Variants in RBM20 observed in about 807,000 individuals in gnomAD.
The protein encoded by RBM20 is RNA-binding protein 20.
A neutral mutation model predicts 110.1 loss-of-function variants in RBM20; 51 were observed. That is an observed-to-expected ratio of 0.46 (90% CI 0.37 to 0.59). The LOEUF (loss-of-function observed/expected upper bound fraction) is 0.59. Ranked by LOEUF, RBM20 falls within the 20% of genes least tolerant of loss-of-function variation. The probability of loss-of-function intolerance (pLI) is 0.00; values close to 1 mark genes in which losing one functional copy is unlikely to be tolerated. For missense variants in RBM20, 1,512 were observed against 1,574.9 expected, an observed-to-expected ratio of 0.96 and a Z score of 0.68; for synonymous variants, 589 against 618.2, an observed-to-expected ratio of 0.95 and a Z score of 0.70.
intron 1 of RBM20, among the ~76,000 whole-genome samples, chr10:110,723,348 C>T (rs11819577): frequency 3.3e-5 from 5 of 152,210 alleles, no homozygotes; most frequent in African/African-American, 9.6e-5. Context: ...CATCCCTTCC[C>T]TTTCCCCTTC....
At chr10:110,693,559 G>T (rs1590621165) in intron 1 of RBM20, among the ~76,000 whole-genome samples, 1 of 152,262 alleles carries the variant, frequency 6.6e-6, no homozygotes, top group South Asian at 2.1e-4. Flanking sequence ...TGGCAAATTT[G>T]TTACTACTGT....
At chr10:110,811,454 AGTCT>A (rs2135101966) in intron 8 of RBM20, among the ~76,000 whole-genome samples, 1 of 152,296 alleles carries the variant, frequency 6.6e-6, no homozygotes, top group Non-Finnish European at 1.5e-5. Context: ...TTTGTTTATT[AGTCT>A]GTCTGTTTTT....
chr10:110,727,390 A>G lies in RBM20; in HGVS notation c.192-53411A>G, dbSNP rs1402910591. ...GTTGTCACAATACTATTTATTAAAA[A>G]GTCCGTCTCAAAAAATAAAAATAAA... On this transcript the variant is annotated intron_variant, in intron 1 of 13. Transcript: ENST00000369519. Among the ~76,000 whole-genome samples the G allele has an allele frequency of 3.0e-5, 4 of 132,348 alleles. No homozygotes were observed. In the South Asian group the frequency reaches 1.1e-3, roughly 36 times the overall value. The allele number at this position is 132,348 out of a possible 152,430, so 86.8% of individuals were successfully genotyped here. A position where few individuals can be genotyped will look rare whatever the true frequency, so the allele number is the denominator to read the frequency against.
chr10:110,729,028 G>A (rs1285839140), intron 1 of RBM20, among the ~76,000 whole-genome samples: 1 of 152,198 alleles, frequency 6.6e-6, no homozygotes, highest in African/African-American at 2.4e-5. Flanking sequence ...AGCATGTAAA[G>A]TATAGGCTTT....
At chr10:110,798,472 T>C (rs937727856) in intron 6 of RBM20, among the ~76,000 whole-genome samples, 1 of 152,186 alleles carries the variant, frequency 6.6e-6, no homozygotes, top group African/African-American at 2.4e-5. Flanking sequence ...TTTGGGTAAA[T>C]GCACAGAATT....
At chr10:110,691,745 T>C (rs775678720) in intron 1 of RBM20, among the ~76,000 whole-genome samples, 1 of 152,228 alleles carries the variant, frequency 6.6e-6, no homozygotes, top group Non-Finnish European at 1.5e-5. Flanking sequence ...CTCTTGATAG[T>C]GTCCTTTAAT....
At chr10:110,726,533 G>C (rs1014918379) in intron 1 of RBM20, among the ~76,000 whole-genome samples, 2 of 152,202 alleles carry the variant, frequency 1.3e-5, no homozygotes, top group Admixed American at 6.5e-5. Flanking sequence ...ATGGGATCAT[G>C]ATCAAGTGAT....
At chr10:110,720,503 T>C (rs933627932) in intron 1 of RBM20, among the ~76,000 whole-genome samples, 1 of 152,106 alleles carries the variant, frequency 6.6e-6, no homozygotes, top group Admixed American at 6.5e-5. Context: ...ATCTTTCTTT[T>C]CTCCCCACAT....
chr10:110,720,357 C>T (rs1843490944), intron 1 of RBM20, among the ~76,000 whole-genome samples: 1 of 152,222 alleles, frequency 6.6e-6, no homozygotes, highest in South Asian at 2.1e-4. Flanking sequence ...CCTGGGAGTG[C>T]TCAGGCCCTC....
chr10:110,704,556 A>G (rs138599005), intron 1 of RBM20, among the ~76,000 whole-genome samples: 29 of 152,354 alleles, frequency 1.9e-4, no homozygotes, highest in Non-Finnish European at 1.5e-5. Context: ...TGCAGCTAAC[A>G]TTGTATTAGT....
chr10:110,730,243 C>T lies in RBM20; in HGVS notation c.192-50558C>T, dbSNP rs559264956. 2.2e-4 allele frequency among the ~76,000 whole-genome samples: 34 copies of T among 152,360 alleles called. No homozygotes were observed. In the East Asian group the frequency reaches 5.8e-3, roughly 26 times the overall value. On this transcript the variant is annotated intron_variant, in intron 1 of 13. Coordinates refer to ENST00000369519, the MANE Select transcript of RBM20 (RefSeq NM_001134363.3). ...GCTAATTGGTTGCTTAGAACACATT[C>T]AAGATGGTTTCCTCGGACTTCTGTT...
At position 110,644,470 on chromosome 10, in the gene RBM20, G is replaced by A. The variant is rs758772050; in HGVS notation, c.16G>A (p.Ala6Thr). Residue 6 changes from alanine to threonine, a missense_variant, in exon 1 of 14, where the codon GCC becomes ACC. Around this residue, in one of 3 missense-constraint regions of RBM20, gnomAD observed 1,149 missense variants for 1,169.4 expected, o/e 0.98. Coordinates refer to ENST00000369519, the MANE Select transcript of RBM20 (RefSeq NM_001134363.3). This position sits in a 1 kb window ranked among gnomAD's most constrained non-coding sequence, Gnocchi z 4.3. ...CTCGCCCCGCATGGTGCTGGCAGCA[G>A]CCATGAGCCAGGACGCGGACCCCAG... MVLAA[A>T]MSQDADPSGP... 28 of 1,517,688 alleles carry A rather than the reference G, an allele frequency of 1.8e-5. No homozygotes were observed. The highest frequency in any genetic ancestry group is 2.4e-5 in the Non-Finnish European group (27 of 1,137,454). 94.0% of individuals were successfully genotyped at this position (1,517,688 alleles called of 1,614,324 possible).
chr10:110,715,901 C>T (rs549313042), intron 1 of RBM20, among the ~76,000 whole-genome samples: 1 of 152,316 alleles, frequency 6.6e-6, no homozygotes, highest in Admixed American at 6.5e-5. Context: ...CCCCACTTAA[C>T]TACAAGGGAG....
At chr10:110,657,021 CTT>C (rs58478679) in intron 1 of RBM20, among the ~76,000 whole-genome samples, 33 of 142,978 alleles carry the variant, frequency 2.3e-4, no homozygotes, top group Non-Finnish European at 3.7e-4. Flanking sequence ...TATGGTAATT[CTT>C]TTTTTTTTTT....
intron 1 of RBM20, among the ~76,000 whole-genome samples, chr10:110,732,245 G>A (rs1051820082): frequency 2.0e-5 from 3 of 151,548 alleles, no homozygotes; most frequent in Non-Finnish European, 4.4e-5. Flanking sequence ...CTGTCCCCTC[G>A]CCCCTGCTAT....
intron 1 of RBM20, among the ~76,000 whole-genome samples, chr10:110,770,225 C>T (rs1330427415): frequency 6.6e-6 from 1 of 152,088 alleles, no homozygotes; most frequent in East Asian, 1.9e-4. Flanking sequence ...GGAAGTTCTC[C>T]TCTCCGGGTG....
intron 7 of RBM20, among the ~76,000 whole-genome samples, chr10:110,803,798 C>G (rs1201250311): frequency 3.3e-5 from 4 of 120,996 alleles, no homozygotes; most frequent in Non-Finnish European, 6.4e-5. Context: ...CTCCATTAAG[C>G]CTGTTGGCTT....
At chr10:110,822,076 A>G (rs1344045463) in intron 11 of RBM20, 141 bp downstream of exon 11, 1 of 867,758 alleles carries the variant, frequency 1.2e-6, no homozygotes, top group Non-Finnish European at 1.8e-6. Context: ...GTGATTTAGC[A>G]ACAAAGGCAA....
chr10:110,707,944 C>T (rs969032719), intron 1 of RBM20, among the ~76,000 whole-genome samples: 2 of 152,104 alleles, frequency 1.3e-5, no homozygotes, highest in African/African-American at 4.8e-5. Context: ...GCATGAGTTA[C>T]CTGATATGAT....
Sources: gnomAD v4.1 joint callset for allele counts (sites outside exome capture counted in the v4.1 genomes callset) on GRCh38, gnomAD v4.1.1 for gene constraint, gnomAD v4.1.1 regional missense constraint, Gnocchi (gnomAD v3.1) non-coding constraint, MANE v1.5 for transcripts, NCBI Gene and HGNC (gene_info 2026-07-23, HGNC 2026-07-21) for gene names.